RABGAP1L: variants seen among roughly 807,000 people sequenced by gnomAD.
The protein encoded by RABGAP1L is RAB GTPase activating protein 1 like.
Under a neutral mutation model 137.7 loss-of-function variants are expected in RABGAP1L, and 63 were observed. That is an observed-to-expected ratio of 0.46 (90% confidence interval 0.37 to 0.56). RABGAP1L has a LOEUF of 0.56. RABGAP1L is among the 20% of genes least tolerant of loss of function. The probability of loss-of-function intolerance (pLI) is 0.00; values close to 1 mark genes in which losing one functional copy is unlikely to be tolerated. For synonymous variants in RABGAP1L, 431 were observed against 433.7 expected (o/e 0.99, Z 0.08); for missense variants, 1,095 against 1,244.0 (o/e 0.88, Z 1.80).
At chr1:174,221,339 T>G (rs995701891) in intron 3 of RABGAP1L, among the ~76,000 whole-genome samples, 175 bp downstream of exon 3, 1 of 152,224 alleles carries the variant, frequency 6.6e-6, no homozygotes, top group Middle Eastern at 3.2e-3. Flanking sequence ...AATCAGGTCT[T>G]AATGTTCTTT....
chr1:174,263,768 G>A (rs2148637371), intron 7 of RABGAP1L, among the ~76,000 whole-genome samples: 1 of 151,436 alleles, frequency 6.6e-6, no homozygotes, highest in Non-Finnish European at 1.5e-5. Flanking sequence ...CTTGCTATGA[G>A]ATCTAGCTTA....
At position 174,697,453 on chromosome 1, in the gene RABGAP1L, T is replaced by G. The variant is rs1307252384; in HGVS notation, c.1900-2072T>G. Among the ~76,000 whole-genome samples, 5 of 152,066 alleles carry G rather than the reference T, an allele frequency of 3.3e-5. No homozygotes were observed. In the East Asian group the frequency reaches 9.6e-4, roughly 29 times the overall value. The stretch of plus-strand genomic sequence containing the variant: ...CTCCTGCCTCAGCTTCCCCAGTATC[T>G]AGGATTACATGTACACACCAACATG... On this transcript the variant is annotated intron_variant, in intron 15 of 25. Coordinates refer to ENST00000681986, the MANE Select transcript of RABGAP1L (RefSeq NM_001366446.1).
intron 13 of RABGAP1L, among the ~76,000 whole-genome samples, chr1:174,550,947 C>CATATATAT (rs1666434056): frequency 1.7e-5 from 2 of 121,042 alleles, no homozygotes; most frequent in African/African-American, 8.2e-5. Context: ...TATATATACA[C>CATATATAT]ACATATATAT....
intron 19 of RABGAP1L, among the ~76,000 whole-genome samples, chr1:174,941,198 A>G (rs1231380509): frequency 6.6e-6 from 1 of 152,178 alleles, no homozygotes; most frequent in East Asian, 1.9e-4. Flanking sequence ...ATCCTACTGT[A>G]ATACAATCTG....
At chr1:174,586,033 C>T (rs1343645905) in intron 13 of RABGAP1L, among the ~76,000 whole-genome samples, 3 of 152,000 alleles carry the variant, frequency 2.0e-5, no homozygotes, top group Admixed American at 6.6e-5. Flanking sequence ...GATGTATACC[C>T]AAAGGAATAT....
intron 12 of RABGAP1L, among the ~76,000 whole-genome samples, chr1:174,391,857 T>G (rs905453851): frequency 1.3e-5 from 2 of 152,208 alleles, no homozygotes; most frequent in Non-Finnish European, 2.9e-5. Flanking sequence ...CTTTGCTCTT[T>G]GTACATCATT....
rs959132767 is a variant in RABGAP1L, at chr1:174,422,556, A to G, written c.1710+28411A>G. Among the ~76,000 whole-genome samples, 3 of 152,168 alleles carry G rather than the reference A, an allele frequency of 2.0e-5. No individual in the cohort carries two copies. The South Asian group carries it at 6.2e-4, about 32-fold the overall frequency. On this transcript the variant is annotated intron_variant, in intron 13 of 25. Transcript: ENST00000681986. ...TATGAGTTAGGCCAGTAATAATTCTATCCCCTTTTATTGATATGCAAATAC... is the reference window on the plus strand; with the variant it reads ...TATGAGTTAGGCCAGTAATAATTCTGTCCCCTTTTATTGATATGCAAATAC...
At chr1:174,826,560 C>T (rs1691587380) in intron 19 of RABGAP1L, among the ~76,000 whole-genome samples, 1 of 152,194 alleles carries the variant, frequency 6.6e-6, no homozygotes, top group Admixed American at 6.5e-5. Context: ...TGATAGGCAC[C>T]TGCTTGATTC....
At chr1:174,416,045 T>TACACACA (rs1650554628) in intron 13 of RABGAP1L, among the ~76,000 whole-genome samples, 1 of 137,264 alleles carries the variant, frequency 7.3e-6, no homozygotes, top group African/African-American at 3.3e-5. Flanking sequence ...TACACACACA[T>TACACACA]TTTTTTTTTC....
chr1:174,570,424 C>G (rs1178353190), intron 13 of RABGAP1L, among the ~76,000 whole-genome samples: 3 of 152,134 alleles, frequency 2.0e-5, no homozygotes, highest in Non-Finnish European at 1.5e-5. Flanking sequence ...GAACAGAAAA[C>G]CTACCACTGT....
At chr1:174,917,621 T>C (rs1573817095) in intron 19 of RABGAP1L, among the ~76,000 whole-genome samples, 1 of 152,300 alleles carries the variant, frequency 6.6e-6, no homozygotes, top group South Asian at 2.1e-4. Flanking sequence ...CTTGATATAG[T>C]AATTCTTCAC....
intron 18 of RABGAP1L, among the ~76,000 whole-genome samples, chr1:174,811,244 G>C (rs1689843931): frequency 6.6e-6 from 1 of 152,100 alleles, no homozygotes; most frequent in South Asian, 2.1e-4. Flanking sequence ...GTAAACAATA[G>C]TTTTCAGAAG....
intron 19 of RABGAP1L, among the ~76,000 whole-genome samples, chr1:174,883,034 A>C (rs1270772794): frequency 6.6e-6 from 1 of 152,056 alleles, no homozygotes; most frequent in Non-Finnish European, 1.5e-5. Flanking sequence ...ATGTTGGCCA[A>C]GCTGGTCTTG....
intron 13 of RABGAP1L, among the ~76,000 whole-genome samples, chr1:174,478,437 AT>A (rs956869076): frequency 1.3e-5 from 2 of 151,690 alleles, no homozygotes; most frequent in Non-Finnish European, 2.9e-5. Flanking sequence ...TGCCTGGCTA[AT>A]TAAAAAAAAA....
chr1:174,780,242 A>G lies in RABGAP1L; in HGVS notation c.2211+27888A>G, dbSNP rs545662179. The stretch of plus-strand genomic sequence containing the variant: ...ACTGACTCCTGAATATTGAAAATTG[A>G]GTTCAAATACATAGTTTATTCCTCG... On this transcript the variant is annotated intron_variant, in intron 18 of 25. Coordinates refer to ENST00000681986, the MANE Select transcript of RABGAP1L (RefSeq NM_001366446.1). Among the ~76,000 whole-genome samples, 110 of 152,170 alleles carry G rather than the reference A, an allele frequency of 7.2e-4. 1 individual carries two copies. Among genetic ancestry groups the G allele is most frequent in the African/African-American group, 2.5e-3 (102 of 41,486 alleles).
At chr1:174,703,934 TG>T (rs1469715197) in intron 17 of RABGAP1L, among the ~76,000 whole-genome samples, 4 of 152,190 alleles carry the variant, frequency 2.6e-5, no homozygotes, top group Admixed American at 6.6e-5. Context: ...TGGGGCTAGT[TG>T]GTTTTTCTGT....
chr1:174,290,491 T>C (rs1377658909), intron 10 of RABGAP1L, among the ~76,000 whole-genome samples: 2 of 152,140 alleles, frequency 1.3e-5, no homozygotes, highest in Non-Finnish European at 2.9e-5. Flanking sequence ...CTTTTCTAAG[T>C]TTTGTGCTTC....
intron 7 of RABGAP1L, among the ~76,000 whole-genome samples, chr1:174,254,906 T>A (rs1672991866): frequency 6.6e-6 from 1 of 152,200 alleles, no homozygotes; most frequent in East Asian, 1.9e-4. Context: ...CTTTGAGGAA[T>A]CACCACACTG....
At chr1:174,848,823 C>A (rs1647589772) in intron 19 of RABGAP1L, among the ~76,000 whole-genome samples, 1 of 151,380 alleles carries the variant, frequency 6.6e-6, no homozygotes, top group Admixed American at 6.6e-5. Flanking sequence ...GCCCCTCCCC[C>A]AGCTTCGCTG....
Sources: gnomAD v4.1 joint callset for allele counts (sites outside exome capture counted in the v4.1 genomes callset) on GRCh38, gnomAD v4.1.1 for gene constraint, MANE v1.5 for transcripts, NCBI Gene and HGNC (gene_info 2026-07-23, HGNC 2026-07-21) for gene names.